NAALADL2: variants seen among roughly 807,000 people sequenced by gnomAD.
NAALADL2 encodes the protein N-acetylated alpha-linked acidic dipeptidase like 2.
Under a neutral mutation model 87.2 loss-of-function variants are expected in NAALADL2, and 76 were observed. The observed-to-expected ratio is 0.87, with a 90% CI of 0.72 to 1.05. NAALADL2 has a LOEUF of 1.05. NAALADL2 is among the 50% of genes least tolerant of loss of function. NAALADL2 has a pLI of 0.00. For synonymous variants in NAALADL2, 354 were observed against 331.0 expected (o/e 1.07, Z -0.75); for missense variants, 1,089 against 945.8 (o/e 1.15, Z -1.99).
chr3:174,768,122 C>T (rs1350389657), intron 3 of NAALADL2, among the ~76,000 whole-genome samples: 1 of 152,032 alleles, frequency 6.6e-6, no homozygotes, highest in African/African-American at 2.4e-5. Flanking sequence ...ACATAGAAAC[C>T]CTTTCTGGCA....
At chr3:175,376,352 C>T (rs1002004994) in intron 5 of NAALADL2, among the ~76,000 whole-genome samples, 23 of 151,838 alleles carry the variant, frequency 1.5e-4, no homozygotes, top group Admixed American at 2.0e-4. Flanking sequence ...ACTTGAATTT[C>T]ATTTTAAAGG....
At chr3:174,487,535 TAACAG>T (rs1449782483) in intron 1 of NAALADL2, among the ~76,000 whole-genome samples, 5 of 152,078 alleles carry the variant, frequency 3.3e-5, no homozygotes, top group Admixed American at 6.6e-5. Flanking sequence ...ATAAAATAGT[TAACAG>T]AGAGAGCAAC....
At chr3:174,641,126 G>A (rs575839194) in intron 2 of NAALADL2, among the ~76,000 whole-genome samples, 2 of 152,246 alleles carry the variant, frequency 1.3e-5, no homozygotes, top group African/African-American at 4.8e-5. Context: ...CGCCCTTTAA[G>A]AGGCCGGAAG....
intron 2 of NAALADL2, among the ~76,000 whole-genome samples, chr3:174,602,949 A>G (rs60772062): frequency 0.02 from 3,115 of 152,128 alleles, 104 homozygotes; most frequent in African/African-American, 0.07. Context: ...TGTATGTTGA[A>G]CCATCATTAC....
intron 13 of NAALADL2, chr3:175,775,240 T>G (rs867857898): frequency 3.3e-5 from 5 of 152,044 alleles, no homozygotes; most frequent in Admixed American, 6.6e-5. Context: ...AGTGAGTGTC[T>G]GAGACATTAA....
chr3:174,906,586 C>T (rs1402974197), intron 1 of NAALADL2, among the ~76,000 whole-genome samples: 1 of 152,002 alleles, frequency 6.6e-6, no homozygotes, highest in Non-Finnish European at 1.5e-5. Flanking sequence ...ATGCTGTTTC[C>T]AATAGCCTGC....
chr3:175,138,579 A>C (rs1729489456), intron 2 of NAALADL2, among the ~76,000 whole-genome samples: 1 of 151,434 alleles, frequency 6.6e-6, no homozygotes, highest in African/African-American at 2.4e-5. Context: ...CAAACTTACG[A>C]AAAATGGCTT....
At chr3:174,786,041 G>A (rs1408637712) in intron 3 of NAALADL2, among the ~76,000 whole-genome samples, 1 of 152,102 alleles carries the variant, frequency 6.6e-6, no homozygotes, top group African/African-American at 2.4e-5. Context: ...CCAACTTTTA[G>A]TTAGTTAACT....
intron 1 of NAALADL2, among the ~76,000 whole-genome samples, chr3:174,922,954 C>G (rs9881010): frequency 0.38 from 58,287 of 151,948 alleles, 12,265 homozygotes; most frequent in African/African-American, 0.56. Flanking sequence ...TTTTAAAGTT[C>G]TTATCTTTCC....
intron 2 of NAALADL2, among the ~76,000 whole-genome samples, chr3:174,603,005 A>G (rs1382565530): frequency 7.3e-5 from 11 of 151,456 alleles, no homozygotes; most frequent in Non-Finnish European, 1.6e-4. Flanking sequence ...TGTTAAATTC[A>G]GTTTGCTAGT....
chr3:175,243,531 CTTTTTTTTTT>C (rs3066298), intron 3 of NAALADL2, among the ~76,000 whole-genome samples: 4 of 85,598 alleles, frequency 4.7e-5, no homozygotes, highest in South Asian at 5.2e-4. Flanking sequence ...CACATCAGGA[CTTTTTTTTTT>C]TTTTTTTTTT....
intron 9 of NAALADL2, among the ~76,000 whole-genome samples, chr3:175,543,391 G>A (rs1712731428): frequency 6.6e-6 from 1 of 152,120 alleles, no homozygotes; most frequent in African/African-American, 2.4e-5. Context: ...GATATTTATA[G>A]AGTTTAGGGG....
At position 175,143,522 on chromosome 3, in the gene NAALADL2, G is replaced by A. The variant is rs1335919170; in HGVS notation, c.545+46231G>A. On this transcript the variant is annotated intron_variant, in intron 2 of 13. Coordinates refer to ENST00000454872, the MANE Select transcript of NAALADL2 (RefSeq NM_207015.3). ...TCTCAATATAATTTAAATATTGAAA[G>A]TGCCAGTAATCTAATTGTCAATGTT... 5.8e-5 allele frequency among the ~76,000 whole-genome samples: 8 copies of A among 136,820 alleles called. 1 individual carries two copies. The South Asian group carries it at 9.3e-4, about 16-fold the overall frequency. 89.8% of individuals were successfully genotyped at this position (136,820 alleles called of 152,430 possible).
intron 1 of NAALADL2, among the ~76,000 whole-genome samples, chr3:174,900,324 G>C (rs1732158471): frequency 6.6e-6 from 1 of 151,842 alleles, no homozygotes; most frequent in Non-Finnish European, 1.5e-5. Flanking sequence ...ATTTATTAAG[G>C]GGTTAAGTAT....
At chr3:174,441,985 A>G (rs1377094000) in intron 1 of NAALADL2, among the ~76,000 whole-genome samples, 1 of 151,362 alleles carries the variant, frequency 6.6e-6, no homozygotes, top group Non-Finnish European at 1.5e-5. Flanking sequence ...TTTTTTAACC[A>G]CCCGAGAACC....
intron 12 of NAALADL2, among the ~76,000 whole-genome samples, chr3:175,743,955 G>A (rs912883157): frequency 2.0e-5 from 3 of 152,110 alleles, no homozygotes; most frequent in Non-Finnish European, 4.4e-5. Context: ...GAGTCAGGAG[G>A]TAAAAATCTT....
chr3:175,694,622 A>G (rs969888063), intron 11 of NAALADL2, among the ~76,000 whole-genome samples: 2 of 152,158 alleles, frequency 1.3e-5, no homozygotes, highest in South Asian at 2.1e-4. Flanking sequence ...TTTGAATTCT[A>G]TAATGGGTTC....
At chr3:175,663,167 T>C (rs1285761169) in intron 11 of NAALADL2, among the ~76,000 whole-genome samples, 1 of 151,392 alleles carries the variant, frequency 6.6e-6, no homozygotes, top group South Asian at 2.1e-4. Context: ...TTTTATTTTA[T>C]TTTATTTTAA....
intron 2 of NAALADL2, among the ~76,000 whole-genome samples, chr3:174,721,096 A>G (rs1017070928): frequency 2.1e-5 from 1 of 46,608 alleles, no homozygotes; most frequent in Non-Finnish European, 4.8e-5. Flanking sequence ...AGTGTTTTTA[A>G]TAATAAAATG....
Sources: allele counts gnomAD v4.1 joint callset (sites outside exome capture counted in the v4.1 genomes callset), GRCh38; gene constraint gnomAD v4.1.1; transcripts MANE v1.5; gene names NCBI Gene and HGNC (gene_info 2026-07-23, HGNC 2026-07-21).